The following NRCAM variants were observed in gnomAD, a reference collection of about 807,000 sequenced individuals.
NRCAM encodes neuronal cell adhesion molecule.
A neutral mutation model predicts 156.5 loss-of-function variants in NRCAM; 83 were observed. That is an observed-to-expected ratio of 0.53 (90% CI 0.44 to 0.64). The LOEUF (loss-of-function observed/expected upper bound fraction) is 0.64. NRCAM is among the 30% of genes least tolerant of loss of function. The probability of loss-of-function intolerance (pLI) is 0.00; values close to 1 mark genes in which losing one functional copy is unlikely to be tolerated. For missense variants in NRCAM, 1,417 were observed against 1,597.3 expected, an observed-to-expected ratio of 0.89 and a Z score of 1.92; for synonymous variants, 538 against 563.9, an observed-to-expected ratio of 0.95 and a Z score of 0.65.
chr7:108,365,710 G>A (rs1212497772), intron 2 of NRCAM, among the ~76,000 whole-genome samples: 1 of 152,122 alleles, frequency 6.6e-6, no homozygotes, highest in Non-Finnish European at 1.5e-5. Flanking sequence ...CAGAGGCTGT[G>A]AACAAAAGGA....
chr7:108,172,150 A>T (rs2058684111), intron 28 of NRCAM, among the ~76,000 whole-genome samples: 1 of 152,210 alleles, frequency 6.6e-6, no homozygotes, highest in Non-Finnish European at 1.5e-5. Context: ...ATTACATGCA[A>T]TGGATATGGC....
At chr7:108,265,425 G>A (rs1471786314) in intron 3 of NRCAM, among the ~76,000 whole-genome samples, 1 of 152,160 alleles carries the variant, frequency 6.6e-6, no homozygotes, top group Non-Finnish European at 1.5e-5. Flanking sequence ...GGTCTATCCT[G>A]ATCTGACCCA....
intron 3 of NRCAM, among the ~76,000 whole-genome samples, chr7:108,246,777 G>A (rs2095960031): frequency 1.3e-5 from 2 of 152,206 alleles, no homozygotes; most frequent in African/African-American, 2.4e-5. Flanking sequence ...CCAGTCTTGT[G>A]TATTCTACAA....
intron 3 of NRCAM, among the ~76,000 whole-genome samples, chr7:108,259,079 G>A (rs1175623294): frequency 6.6e-6 from 1 of 152,308 alleles, no homozygotes; most frequent in Admixed American, 6.5e-5. Context: ...ACTGTGTTGG[G>A]ACAACACAGC....
intron 2 of NRCAM, among the ~76,000 whole-genome samples, chr7:108,342,759 G>A (rs1175342438): frequency 1.3e-5 from 2 of 152,174 alleles, no homozygotes; most frequent in Non-Finnish European, 2.9e-5. Context: ...AGGTAGTGGC[G>A]GCAGTAGCAG....
At chr7:108,383,546 C>T in intron 2 of NRCAM, among the ~76,000 whole-genome samples, 1 of 152,202 alleles carries the variant, frequency 6.6e-6, no homozygotes, top group South Asian at 2.1e-4. Context: ...CTGCAGACTT[C>T]AACGGAGTTC....
intron 2 of NRCAM, among the ~76,000 whole-genome samples, chr7:108,393,733 G>A (rs760387300): frequency 2.0e-5 from 3 of 152,084 alleles, no homozygotes; most frequent in African/African-American, 4.8e-5. Flanking sequence ...ACCCTCCCCC[G>A]TTTAATTTTT....
At chr7:108,212,480 T>C (rs1289751788) in intron 11 of NRCAM, among the ~76,000 whole-genome samples, 2 of 152,086 alleles carry the variant, frequency 1.3e-5, no homozygotes, top group African/African-American at 4.8e-5. Flanking sequence ...AAGCCCAATG[T>C]AAGGAAATCC....
intron 2 of NRCAM, among the ~76,000 whole-genome samples, chr7:108,347,269 CTTG>C (rs2099364526): frequency 1.3e-5 from 2 of 152,028 alleles, no homozygotes; most frequent in African/African-American, 4.8e-5. Context: ...ATCTCCTGAC[CTTG>C]TGATCCACCC....
chr7:108,333,233 G>A (rs1466257812), intron 2 of NRCAM, among the ~76,000 whole-genome samples: 1 of 152,084 alleles, frequency 6.6e-6, no homozygotes, highest in Non-Finnish European at 1.5e-5. Context: ...CAAGTACTGA[G>A]GTAATTTTTC....
chr7:108,386,448 A>C (rs1476898721), intron 2 of NRCAM, among the ~76,000 whole-genome samples: 1 of 152,160 alleles, frequency 6.6e-6, no homozygotes. Flanking sequence ...AAAGTTGCAG[A>C]CTTCCTGTTG....
At chr7:108,213,313 G>A (rs1330528230) in intron 11 of NRCAM, among the ~76,000 whole-genome samples, 2 of 151,782 alleles carry the variant, frequency 1.3e-5, no homozygotes, top group Non-Finnish European at 2.9e-5. Flanking sequence ...AAATCACACA[G>A]GACCTATAAA....
intron 2 of NRCAM, among the ~76,000 whole-genome samples, chr7:108,359,612 T>C (rs1032069295): frequency 6.6e-6 from 1 of 152,190 alleles, no homozygotes; most frequent in African/African-American, 2.4e-5. Context: ...TGGAAAGGTA[T>C]CTAGGTCTCA....
rs115917562 is a variant in NRCAM, at chr7:108,355,327, G to A, written c.-173-42596C>T. On this transcript the variant is annotated intron_variant, in intron 2 of 32. Coordinates refer to ENST00000379028, the MANE Select transcript of NRCAM (RefSeq NM_001037132.4). ...TGAGGAGCATAAGTTTAAAGAAGAC[G>A]TGGGCAACAGAAGTGAAGAACTTTT... Among the ~76,000 whole-genome samples the A allele has an allele frequency of 1.1e-3, 171 of 152,288 alleles. 1 individual carries two copies. Among genetic ancestry groups the A allele is most frequent in the African/African-American group, 2.6e-3 (110 of 41,566 alleles).
At chr7:108,422,912 C>G (rs1336503054) in intron 1 of NRCAM, among the ~76,000 whole-genome samples, 1 of 152,130 alleles carries the variant, frequency 6.6e-6, no homozygotes, top group Non-Finnish European at 1.5e-5. Flanking sequence ...GTAGGGTGGT[C>G]CTCTCATTTC....
chr7:108,392,176 C>T (rs868624107), intron 2 of NRCAM, among the ~76,000 whole-genome samples: 11 of 152,326 alleles, frequency 7.2e-5, no homozygotes, highest in Non-Finnish European at 1.3e-4. Context: ...TGTTTTCCAA[C>T]TTGGTTCCAT....
intron 25 of NRCAM, 69 bp from the exon 26 acceptor site, chr7:108,178,181 C>A: frequency 6.5e-7 from 1 of 1,530,602 alleles, no homozygotes. Context: ...ATTGACATTT[C>A]ACCGTGCTCG....
intron 3 of NRCAM, among the ~76,000 whole-genome samples, chr7:108,282,286 G>A (rs943260645): frequency 6.6e-6 from 1 of 152,152 alleles, no homozygotes; most frequent in Non-Finnish European, 1.5e-5. Flanking sequence ...ACTAATGTCT[G>A]GGATGAGCTG....
intron 32 of NRCAM, among the ~76,000 whole-genome samples, chr7:108,150,980 G>C (rs918988627): frequency 4.6e-5 from 7 of 152,074 alleles, no homozygotes; most frequent in African/African-American, 1.2e-4. Flanking sequence ...TAACCCCCCA[G>C]CTCCCTTCTT....
Sources: gnomAD v4.1 joint callset for allele counts (sites outside exome capture counted in the v4.1 genomes callset) on GRCh38, gnomAD v4.1.1 for gene constraint, MANE v1.5 for transcripts, NCBI Gene and HGNC (gene_info 2026-07-23, HGNC 2026-07-21) for gene names.